Variants in NXPE2 observed in about 807,000 individuals in gnomAD.
The protein encoded by NXPE2 is neurexophilin and PC-esterase domain family member 2, also known as NXPE family member 2.
In NXPE2, 34 loss-of-function variants were observed where a neutral mutation model predicts 34.4. The ratio of observed to expected loss-of-function variants is 0.99; its 90% CI spans 0.75 to 1.31. The LOEUF is 1.31. Ranked by LOEUF, NXPE2 falls within the 40% of genes most tolerant of loss-of-function variation. The pLI is 0.00. For synonymous variants in NXPE2, 235 were observed against 231.3 expected (o/e 1.02, Z -0.15); for missense variants, 649 against 672.5 (o/e 0.97, Z 0.39).
the NXPE2 span, among the ~76,000 whole-genome samples, chr11:114,490,078 C>T: frequency 6.6e-6 from 1 of 152,074 alleles, no homozygotes; most frequent in South Asian, 2.1e-4. Context: ...AAACAGAGAG[C>T]CAAATCATGA....
At chr11:114,772,127 G>A in the NXPE2 span, among the ~76,000 whole-genome samples, 2 of 152,190 alleles carry the variant, frequency 1.3e-5, no homozygotes, top group East Asian at 1.9e-4. Flanking sequence ...TGTCCATTAA[G>A]TAGTCTCTTG....
the NXPE2 span, among the ~76,000 whole-genome samples, chr11:114,631,334 T>C: frequency 6.6e-6 from 1 of 151,910 alleles, no homozygotes; most frequent in African/African-American, 2.4e-5. Context: ...CATGGAATAC[T>C]ATGCAGCCAT....
the NXPE2 span, among the ~76,000 whole-genome samples, chr11:114,496,421 C>T: frequency 6.6e-6 from 1 of 152,226 alleles, no homozygotes; most frequent in East Asian, 1.9e-4. Flanking sequence ...GTCTTTCCTA[C>T]CCTCTTCAGT....
chr11:114,640,029 CAT>C, the NXPE2 span, among the ~76,000 whole-genome samples: 3 of 115,282 alleles, frequency 2.6e-5, no homozygotes, highest in East Asian at 2.6e-4. Context: ...TATAATGTAA[CAT>C]AATTATATTA....
chr11:114,476,561 G>A, the NXPE2 span, among the ~76,000 whole-genome samples: 1 of 152,172 alleles, frequency 6.6e-6, no homozygotes, highest in African/African-American at 2.4e-5. Context: ...AGTTCCTCAT[G>A]GCTGGGTTAA....
At chr11:114,673,122 G>A in the NXPE2 span, among the ~76,000 whole-genome samples, 12 of 148,908 alleles carry the variant, frequency 8.1e-5, no homozygotes, top group East Asian at 1.9e-4. Context: ...GAAATCATGC[G>A]AAGTATGCTC....
At chr11:114,636,169 A>T in the NXPE2 span, among the ~76,000 whole-genome samples, 1 of 151,902 alleles carries the variant, frequency 6.6e-6, no homozygotes, top group Non-Finnish European at 1.5e-5. Flanking sequence ...CAGAGATTCA[A>T]CTTCTTCCTG....
the NXPE2 span, among the ~76,000 whole-genome samples, chr11:114,714,225 T>C: frequency 2.0e-5 from 3 of 151,582 alleles, no homozygotes; most frequent in Non-Finnish European, 4.4e-5. Context: ...AGGAGTACAA[T>C]GACAAATGAT....
the NXPE2 span, among the ~76,000 whole-genome samples, chr11:114,661,246 A>G: frequency 0.16 from 24,268 of 152,114 alleles, 2,213 homozygotes; most frequent in South Asian, 0.2. Context: ...TAAATCAACA[A>G]CTTGATTTTA....
chr11:114,537,027 C>T, the NXPE2 span, among the ~76,000 whole-genome samples: 29 of 152,068 alleles, frequency 1.9e-4, no homozygotes, highest in East Asian at 7.7e-4. Flanking sequence ...TGCAAAAATC[C>T]GCAATAAAAT....
chr11:114,521,456 T>C, the NXPE2 span, among the ~76,000 whole-genome samples: 1 of 152,220 alleles, frequency 6.6e-6, no homozygotes. Flanking sequence ...ATTTGCTTTC[T>C]GGCATAACAA....
chr11:114,617,903 G>T, the NXPE2 span, among the ~76,000 whole-genome samples: 1 of 152,024 alleles, frequency 6.6e-6, no homozygotes, highest in Non-Finnish European at 1.5e-5. Context: ...AATAAGTATT[G>T]CCTCATGGGT....
chr11:114,521,295 C>T, the NXPE2 span, among the ~76,000 whole-genome samples: 34,616 of 152,104 alleles, frequency 0.23, 5,561 homozygotes, highest in African/African-American at 0.45. Flanking sequence ...TTTTGTATTG[C>T]TATGACCTCA....
chr11:114,802,400 A>C, the NXPE2 span, among the ~76,000 whole-genome samples: 7 of 152,250 alleles, frequency 4.6e-5, no homozygotes, highest in East Asian at 1.3e-3. Context: ...CTTCCTCCCA[A>C]CTTAAGTGTG....
At chr11:114,730,442 A>T in the NXPE2 span, among the ~76,000 whole-genome samples, 1 of 152,100 alleles carries the variant, frequency 6.6e-6, no homozygotes, top group Non-Finnish European at 1.5e-5. Context: ...GTGAAAAATG[A>T]TGTTGGTACT....
At chr11:114,735,483 T>C in the NXPE2 span, among the ~76,000 whole-genome samples, 30 of 152,224 alleles carry the variant, frequency 2.0e-4, no homozygotes, top group African/African-American at 7.2e-4. Flanking sequence ...AGTATAGTTG[T>C]CTCATTTGCA....
At chr11:114,530,054 C>T in the NXPE2 span, 5 of 1,033,690 alleles carry the variant, frequency 4.8e-6, no homozygotes, top group African/African-American at 1.6e-5. Flanking sequence ...GAAGACACCA[C>T]ATGTCTTACC....
the NXPE2 span, among the ~76,000 whole-genome samples, chr11:114,663,643 TC>T: frequency 8.2e-6 from 1 of 121,794 alleles, no homozygotes. Context: ...CTATCATCTA[TC>T]CATCTATCAT....
chr11:114,779,019 T>C, the NXPE2 span, among the ~76,000 whole-genome samples: 47 of 152,334 alleles, frequency 3.1e-4, no homozygotes, highest in Non-Finnish European at 6.5e-4. Flanking sequence ...CCACACTCAC[T>C]GTCAGTTCCT....
Sources: gnomAD v4.1 joint callset for allele counts (sites outside exome capture counted in the v4.1 genomes callset) on GRCh38, gnomAD v4.1.1 for gene constraint, MANE v1.5 for transcripts, NCBI Gene and HGNC (gene_info 2026-07-23, HGNC 2026-07-21) for gene names.